The following NPHP3 variants were observed in gnomAD, a reference collection of about 807,000 sequenced individuals.
NPHP3 encodes the protein nephrocystin 3.
In NPHP3, 123 loss-of-function variants were observed where a neutral mutation model predicts 171.9. The observed-to-expected ratio is 0.72, with a 90% CI of 0.62 to 0.83. The LOEUF is 0.83. NPHP3 is among the 40% of genes least tolerant of loss of function. The pLI is 0.00. For synonymous variants in NPHP3, 558 were observed against 579.2 expected (o/e 0.96, Z 0.52); for missense variants, 1,506 against 1,591.9 (o/e 0.95, Z 0.92).
At chr3:132,708,829 C>A (rs1939827439) in intron 6 of NPHP3, among the ~76,000 whole-genome samples, 1 of 152,110 alleles carries the variant, frequency 6.6e-6, no homozygotes. Context: ...TAAAATATGG[C>A]ATGTCCAGGA....
intron 16 of NPHP3, among the ~76,000 whole-genome samples, chr3:132,694,093 T>G (rs1283374721): frequency 6.6e-6 from 1 of 152,054 alleles, no homozygotes; most frequent in African/African-American, 2.4e-5. Flanking sequence ...AACTAAGCAG[T>G]ATGGTACTGG....
intron 24 of NPHP3, 151 bp from the exon 25 acceptor site, chr3:132,683,675 A>G (rs1432327166): frequency 4.8e-6 from 3 of 628,664 alleles, no homozygotes; most frequent in African/African-American, 1.9e-5. Flanking sequence ...GATTAAGTTT[A>G]TAGATAACTG....
intron 16 of NPHP3, among the ~76,000 whole-genome samples, chr3:132,694,101 T>C (rs1445281873): frequency 6.6e-6 from 1 of 152,070 alleles, no homozygotes; most frequent in Non-Finnish European, 1.5e-5. Flanking sequence ...AGTATGGTAC[T>C]GGCAAATAAT....
chr3:132,710,285 T>C (rs910273620), intron 6 of NPHP3, among the ~76,000 whole-genome samples: 21 of 148,854 alleles, frequency 1.4e-4, no homozygotes, highest in Admixed American at 1.3e-3. Flanking sequence ...AGTTCAAGTA[T>C]AGAACAAACA....
chr3:132,711,331 T>A (rs983152056), intron 6 of NPHP3, among the ~76,000 whole-genome samples: 1 of 152,090 alleles, frequency 6.6e-6, no homozygotes, highest in Non-Finnish European at 1.5e-5. Flanking sequence ...AAGTAGAGAC[T>A]AAAATTATTA....
intron 15 of NPHP3, among the ~76,000 whole-genome samples, 158 bp downstream of exon 15, chr3:132,696,573 T>C (rs1345486319): frequency 6.6e-6 from 1 of 152,174 alleles, no homozygotes; most frequent in Non-Finnish European, 1.5e-5. Flanking sequence ...TAGGCACCTG[T>C]AAGCCATGTT....
chr3:132,722,182 C>T lies in NPHP3; in HGVS notation c.174G>A (p.Gly58=). 1.3e-6 allele frequency: 2 copies of T among 1,531,674 alleles called. No homozygotes were observed. The highest frequency in any genetic ancestry group is 1.2e-5 in the South Asian group (1 of 82,934). 94.9% of individuals were successfully genotyped at this position (1,531,674 alleles called of 1,614,324 possible). The change falls in exon 1 of 27, where the codon GGG becomes GGA. Residue 58 remains glycine (G), a synonymous_variant. Coordinates refer to ENST00000337331, the MANE Select transcript of NPHP3 (RefSeq NM_153240.5). The stretch of plus-strand genomic sequence containing the variant: ...CCGCGCCCACCCCGCGGGGCAGCGA[C>T]CCGGGCCCGGCCCCTGCTGCCGCCC... ...GAGAAAGAGP[G]SLPRGVGAGG... is the part of the protein sequence containing the mutation.
Position 132,681,619 on chromosome 3 carries a change from G to A in NPHP3, c.*291C>T. ...TGTCTTAACTACTCTGCCAGCTCTT[G>A]TTGAACAAAGACCAATCCGCTCTTC... is the stretch of plus-strand genomic sequence containing the variant. On this transcript the variant is annotated 3_prime_UTR_variant, in exon 27 of 27. Coordinates refer to ENST00000337331, the MANE Select transcript of NPHP3 (RefSeq NM_153240.5). 2.7e-6 allele frequency: 1 copy of A among 367,836 alleles called. No individual in the cohort carries two copies. Among genetic ancestry groups the A allele is most frequent in the East Asian group, 6.6e-5 (1 of 15,206 alleles). The allele number at this position is 367,836 out of a possible 1,614,324, so 22.8% of individuals were successfully genotyped here.
intron 9 of NPHP3, among the ~76,000 whole-genome samples, chr3:132,702,402 A>C (rs762251292): frequency 3.3e-5 from 5 of 152,198 alleles, no homozygotes; most frequent in Non-Finnish European, 7.3e-5. Flanking sequence ...TTTGAAACTA[A>C]GTGAGTTCAG....
chr3:132,682,742 G>T lies in NPHP3; in HGVS notation c.3773C>A (p.Pro1258His), dbSNP rs778016120. ...IYEDSLGRMH[P>H]RVGETLKNLA... ...ATTTTTCAGTGTTTCTCCAACTCGA[G>T]GATGCATCCGACCCAGGCTATCTTC... Residue 1258 changes from proline to histidine, a missense_variant, in exon 26 of 27, where the codon CCT becomes CAT. Around this residue, in one of 3 missense-constraint regions of NPHP3, gnomAD observed 569 missense variants for 648.1 expected, o/e 0.88. Coordinates refer to ENST00000337331, the MANE Select transcript of NPHP3 (RefSeq NM_153240.5). 1 of 1,613,170 alleles carries T rather than the reference G, an allele frequency of 6.2e-7. No individual in the cohort carries two copies. The highest frequency in any genetic ancestry group is 8.5e-7 in the Non-Finnish European group (1 of 1,179,240).
chr3:132,695,923 G>C (rs1199200404), intron 15 of NPHP3, among the ~76,000 whole-genome samples: 2 of 152,152 alleles, frequency 1.3e-5, no homozygotes, highest in African/African-American at 2.4e-5. Flanking sequence ...AACAGAGAGT[G>C]AGACACTGTC....
chr3:132,718,754 A>G (rs1027320454), intron 3 of NPHP3, among the ~76,000 whole-genome samples: 7 of 152,124 alleles, frequency 4.6e-5, no homozygotes, highest in African/African-American at 1.7e-4. Flanking sequence ...AGTAAAAGTT[A>G]TGGGTTAGGG....
rs752680365 is a variant in NPHP3 at position 132,694,810 on chromosome 3, A to C, written c.2310+17T>G. Reference sequence around the variant, plus strand: ...AAGCAAACTAACATTCCTTTTTATAAGTTTATTACATTCTACCTGCTTCAT... The same window carrying C: ...AAGCAAACTAACATTCCTTTTTATACGTTTATTACATTCTACCTGCTTCAT... On this transcript the variant is annotated intron_variant, in intron 16 of 26. Transcript: ENST00000337331. The C allele has an allele frequency of 6.2e-7, 1 of 1,611,686 alleles. No individual in the cohort carries two copies. Among genetic ancestry groups the C allele is most frequent in the East Asian group, 2.2e-5 (1 of 44,838 alleles).
At chr3:132,691,861 C>T (rs551888482) in intron 17 of NPHP3, among the ~76,000 whole-genome samples, 1 of 152,292 alleles carries the variant, frequency 6.6e-6, no homozygotes, top group East Asian at 1.9e-4. Flanking sequence ...CCGCCTGGGG[C>T]TTAGATCTTG....
At chr3:132,699,256 A>G (rs940711523) in intron 13 of NPHP3, 97 bp downstream of exon 13, 21 of 829,182 alleles carry the variant, frequency 2.5e-5, no homozygotes, top group Non-Finnish European at 1.2e-5. Context: ...CAAGTTACAT[A>G]AAAAATGTGA....
rs948593540 is a variant in NPHP3 at position 132,689,069 on chromosome 3, C to T, written c.2883+5G>A. ...TCTGGCTTGCCATTGATCTGCTGAG[C>T]TTACCTGACTGAGAAGGCCTAGATC... On this transcript the variant is annotated splice_donor_5th_base_variant and intron_variant, in intron 20 of 26. Transcript: ENST00000337331. 5 of 1,614,032 alleles carry T rather than the reference C, an allele frequency of 3.1e-6. No individual in the cohort carries two copies. The Admixed American group carries it at 8.3e-5, about 27-fold the overall frequency.
Position 132,716,869 on chromosome 3 carries a change from C to G in NPHP3, c.711G>C (p.Leu237Phe). 6.2e-7 allele frequency: 1 copy of G among 1,614,060 alleles called. No individual in the cohort carries two copies. Among genetic ancestry groups the G allele is most frequent in the Non-Finnish European group, 8.5e-7 (1 of 1,179,996 alleles). ...TQCEYWTGGA[L>F]GSEPSIGSMI... is the part of the protein sequence containing the mutation. The stretch of plus-strand genomic sequence containing the variant: ...TGCTTCCTATGGAAGGTTCACTTCC[C>G]AAGGCTCCGCCAGTCCAATATTCAC... The change falls in exon 4 of 27, where the codon TTG (leucine) becomes TTC (phenylalanine). Residue 237 changes from leucine (L) to phenylalanine (F), a missense_variant. Transcript: ENST00000337331.
chr3:132,690,477 A>G, intron 19 of NPHP3, 51 bp downstream of exon 19: 1 of 1,565,498 alleles, frequency 6.4e-7, no homozygotes, highest in Non-Finnish European at 8.8e-7. Context: ...GTTAAACTGA[A>G]CAACTTTAAA....
rs760350602 is a variant in NPHP3, at chr3:132,719,729, T to G, written c.495A>C (p.Arg165Ser). 2.6e-6 allele frequency: 4 copies of G among 1,568,494 alleles called. No homozygotes were observed. In the African/African-American group the frequency reaches 5.4e-5, roughly 21 times the overall value. Residue 165 changes from arginine (R) to serine (S), a missense_variant, in exon 2 of 27, where the codon AGA becomes AGC. Coordinates refer to ENST00000337331, the MANE Select transcript of NPHP3 (RefSeq NM_153240.5). ...MERAATFEHD[R>S]DKVKRQFKIF... The stretch of plus-strand genomic sequence containing the variant: ...CCTTGAATTGCCTTTTAACTTTATC[T>G]CTGTCATGTTCAAATGTTGCTGCTC...
Sources: allele counts gnomAD v4.1 joint callset (sites outside exome capture counted in the v4.1 genomes callset), GRCh38; gene constraint gnomAD v4.1.1; regional missense constraint gnomAD v4.1.1; transcripts MANE v1.5; gene names NCBI Gene and HGNC (gene_info 2026-07-23, HGNC 2026-07-21).